The following CNTNAP2 variants were observed in gnomAD, a reference collection of about 807,000 sequenced individuals.
CNTNAP2 encodes contactin-associated protein-like 2.
A neutral mutation model predicts 155.2 loss-of-function variants in CNTNAP2; 98 were observed. The ratio of observed to expected loss-of-function variants is 0.63; its 90% CI spans 0.54 to 0.75. CNTNAP2 has a LOEUF of 0.75. Among genes scored for constraint, CNTNAP2 ranks in the 30% least tolerant of loss-of-function variants. The pLI is 0.00. For synonymous variants in CNTNAP2, 651 were observed against 631.2 expected, an observed-to-expected ratio of 1.03 and a Z score of -0.47; for missense variants, 1,727 against 1,688.1, an observed-to-expected ratio of 1.02 and a Z score of -0.40.
chr7:146,952,048 G>A (rs60071669), intron 3 of CNTNAP2, among the ~76,000 whole-genome samples: 1,763 of 152,064 alleles, frequency 0.012, 31 homozygotes, highest in African/African-American at 0.04. Flanking sequence ...CTGGCAAACC[G>A]AATACAGCAG....
At chr7:146,172,590 C>A (rs1798411540) in intron 1 of CNTNAP2, among the ~76,000 whole-genome samples, 1 of 152,002 alleles carries the variant, frequency 6.6e-6, no homozygotes, top group Non-Finnish European at 1.5e-5. Context: ...GATTGAGGGG[C>A]ATTGCCTTTG....
At chr7:146,880,482 A>G (rs960316393) in intron 3 of CNTNAP2, among the ~76,000 whole-genome samples, 1 of 152,136 alleles carries the variant, frequency 6.6e-6, no homozygotes, top group Admixed American at 6.6e-5. Context: ...TAAGCCAAAC[A>G]TAAATACAAT....
chr7:147,167,545 C>A, intron 8 of CNTNAP2: 1 of 824,744 alleles, frequency 1.2e-6, no homozygotes, highest in Non-Finnish European at 1.9e-6. Context: ...GTTCTTCAGA[C>A]AACTGCTCTC....
chr7:148,334,779 T>C (rs1347959245), intron 21 of CNTNAP2, among the ~76,000 whole-genome samples: 1 of 152,182 alleles, frequency 6.6e-6, no homozygotes, highest in East Asian at 1.9e-4. Flanking sequence ...GGGCTGCCCA[T>C]GCAAAGGCCT....
chr7:146,594,148 C>T (rs1313835483), intron 1 of CNTNAP2, among the ~76,000 whole-genome samples: 1 of 152,102 alleles, frequency 6.6e-6, no homozygotes, highest in African/African-American at 2.4e-5. Context: ...GCTGTAATTC[C>T]CCCTCATTCA....
intron 14 of CNTNAP2, among the ~76,000 whole-genome samples, chr7:147,958,025 T>G (rs760437348): frequency 6.6e-6 from 1 of 152,150 alleles, no homozygotes; most frequent in Non-Finnish European, 1.5e-5. Flanking sequence ...CAGTGACAGA[T>G]GTTTGCACCA....
chr7:146,549,668 T>C (rs2129142443), intron 1 of CNTNAP2, among the ~76,000 whole-genome samples: 1 of 152,202 alleles, frequency 6.6e-6, no homozygotes, highest in Non-Finnish European at 1.5e-5. Context: ...TAAATTCATG[T>C]TTATGTGACT....
chr7:146,970,174 C>A (rs1251577536), intron 3 of CNTNAP2, among the ~76,000 whole-genome samples: 2 of 152,068 alleles, frequency 1.3e-5, no homozygotes, highest in Non-Finnish European at 2.9e-5. Context: ...TCCAAAACAC[C>A]AAAAGCAATG....
chr7:147,295,916 T>C (rs2116759361), intron 8 of CNTNAP2, among the ~76,000 whole-genome samples: 1 of 152,302 alleles, frequency 6.6e-6, no homozygotes, highest in African/African-American at 2.4e-5. Flanking sequence ...TGGGTTCTAA[T>C]TTCTCTAGTA....
At chr7:148,099,453 G>T (rs1804049754) in intron 15 of CNTNAP2, among the ~76,000 whole-genome samples, 2 of 147,112 alleles carry the variant, frequency 1.4e-5, no homozygotes, top group Middle Eastern at 7.1e-3. Context: ...GTGTGTGTGT[G>T]TGTGTGTTGG....
chr7:146,146,125 C>A (rs776529518), intron 1 of CNTNAP2, among the ~76,000 whole-genome samples: 16 of 152,106 alleles, frequency 1.1e-4, no homozygotes, highest in Non-Finnish European at 2.1e-4. Context: ...TATAACATAT[C>A]ATTTTAAGAT....
At chr7:147,390,807 G>A (rs1267677813) in intron 9 of CNTNAP2, among the ~76,000 whole-genome samples, 1 of 151,950 alleles carries the variant, frequency 6.6e-6, no homozygotes, top group Admixed American at 6.6e-5. Flanking sequence ...AATATTAGGA[G>A]GTATTTAAAA....
intron 1 of CNTNAP2, among the ~76,000 whole-genome samples, chr7:146,150,202 A>G (rs1009790660): frequency 6.6e-6 from 1 of 152,138 alleles, no homozygotes; most frequent in African/African-American, 2.4e-5. Context: ...GCAAAATCAA[A>G]TACTATTGCA....
chr7:147,087,988 A>G (rs9640234), intron 4 of CNTNAP2, among the ~76,000 whole-genome samples: 91,135 of 151,448 alleles, frequency 0.6, 28,672 homozygotes, highest in East Asian at 0.74. Context: ...AAAACAAAAA[A>G]ACAAAAAAAA....
chr7:146,794,961 T>C (rs1221929718), intron 2 of CNTNAP2, among the ~76,000 whole-genome samples: 2 of 152,208 alleles, frequency 1.3e-5, no homozygotes, highest in East Asian at 1.9e-4. Flanking sequence ...GCAGCATCTC[T>C]GAATATGACC....
chr7:146,278,107 G>A (rs1253925357), intron 1 of CNTNAP2, among the ~76,000 whole-genome samples: 1 of 152,110 alleles, frequency 6.6e-6, no homozygotes, highest in African/African-American at 2.4e-5. Context: ...TTGGTTCTAT[G>A]ATAAGCAACC....
intron 3 of CNTNAP2, among the ~76,000 whole-genome samples, chr7:146,922,556 T>C (rs1796525806): frequency 6.6e-6 from 1 of 152,134 alleles, no homozygotes; most frequent in Non-Finnish European, 1.5e-5. Flanking sequence ...ATAAATATCC[T>C]AAAGACCTAT....
At chr7:146,279,206 ATGT>A (rs1800210566) in intron 1 of CNTNAP2, among the ~76,000 whole-genome samples, 1 of 152,082 alleles carries the variant, frequency 6.6e-6, no homozygotes, top group Non-Finnish European at 1.5e-5. Context: ...TAAATAATGA[ATGT>A]TGTTGTCTTT....
intron 13 of CNTNAP2, among the ~76,000 whole-genome samples, chr7:147,770,364 A>G (rs1797451443): frequency 6.6e-6 from 1 of 152,218 alleles, no homozygotes; most frequent in Non-Finnish European, 1.5e-5. Context: ...GTGTAACAAG[A>G]TGAGAAAAAA....
Sources: allele counts gnomAD v4.1 joint callset (sites outside exome capture counted in the v4.1 genomes callset), GRCh38; gene constraint gnomAD v4.1.1; transcripts MANE v1.5; gene names NCBI Gene and HGNC (gene_info 2026-07-23, HGNC 2026-07-21).